Variants in DENND1A observed in about 807,000 individuals in gnomAD.
DENND1A encodes DENN domain containing 1A.
A neutral mutation model predicts 113.7 loss-of-function variants in DENND1A; 51 were observed. The ratio of observed to expected loss-of-function variants is 0.45; its 90% CI spans 0.36 to 0.57. DENND1A has a LOEUF of 0.57. DENND1A is among the 20% of genes least tolerant of loss of function. The pLI is 0.00. For synonymous variants in DENND1A, 565 were observed against 570.8 expected, an observed-to-expected ratio of 0.99 and a Z score of 0.14; for missense variants, 1,258 against 1,395.9, an observed-to-expected ratio of 0.90 and a Z score of 1.57.
At chr9:123,485,658 A>ACG (rs1372917882) in intron 13 of DENND1A, 124 of 29,782 alleles carry the variant, frequency 4.2e-3, no homozygotes, top group African/African-American at 9.2e-3. Context: ...GCGCGCGCGC[A>ACG]CACACACACA....
intron 11 of DENND1A, among the ~76,000 whole-genome samples, chr9:123,588,463 A>T (rs2059296153): frequency 6.6e-6 from 1 of 151,086 alleles, no homozygotes; most frequent in African/African-American, 2.4e-5. Flanking sequence ...TACTAAAAAT[A>T]CAAAAAATTA....
chr9:123,435,834 C>G (rs2046473238), intron 19 of DENND1A, among the ~76,000 whole-genome samples: 1 of 152,214 alleles, frequency 6.6e-6, no homozygotes, highest in South Asian at 2.1e-4. Flanking sequence ...ATTAGCTACT[C>G]ATTCCAGCAA....
At chr9:123,539,882 C>CAA (rs141372137) in intron 13 of DENND1A, among the ~76,000 whole-genome samples, 2,898 of 90,618 alleles carry the variant, frequency 0.032, 54 homozygotes, top group Non-Finnish European at 0.052. Context: ...GACTCCGTCT[C>CAA]AAAAAAAAAA....
chr9:123,929,674 A>G (rs1857679250), intron 1 of DENND1A, among the ~76,000 whole-genome samples: 1 of 151,558 alleles, frequency 6.6e-6, no homozygotes, highest in African/African-American at 2.4e-5. Context: ...AGGAGGGGAC[A>G]CCTGACCCCC....
chr9:123,416,569 C>T (rs944170627), intron 19 of DENND1A, among the ~76,000 whole-genome samples: 2 of 152,252 alleles, frequency 1.3e-5, no homozygotes, highest in Non-Finnish European at 2.9e-5. Flanking sequence ...GCTACACAGA[C>T]TGCTGCTTCT....
intron 19 of DENND1A, among the ~76,000 whole-genome samples, chr9:123,435,134 C>G (rs931568649): frequency 6.9e-6 from 1 of 145,462 alleles, no homozygotes; most frequent in Non-Finnish European, 1.5e-5. Flanking sequence ...TGTGCAGTAT[C>G]CTGAGAACAT....
At chr9:123,809,843 G>A (rs1220755276) in intron 2 of DENND1A, among the ~76,000 whole-genome samples, 2 of 152,088 alleles carry the variant, frequency 1.3e-5, no homozygotes, top group African/African-American at 4.8e-5. Flanking sequence ...GCTAATTTCT[G>A]TATTTTTACT....
chr9:123,526,812 G>C (rs2054889627), intron 13 of DENND1A, among the ~76,000 whole-genome samples: 1 of 152,044 alleles, frequency 6.6e-6, no homozygotes, highest in African/African-American at 2.4e-5. Flanking sequence ...CTGTTCTCTG[G>C]TCTATGCTCT....
chr9:123,406,449 T>C (rs1173473250), intron 20 of DENND1A, among the ~76,000 whole-genome samples: 1 of 152,110 alleles, frequency 6.6e-6, no homozygotes, highest in Non-Finnish European at 1.5e-5. Context: ...AGACGATGAG[T>C]GGGTGTCTCT....
At chr9:123,396,421 G>A (rs2043143243) in intron 21 of DENND1A, among the ~76,000 whole-genome samples, 1 of 152,228 alleles carries the variant, frequency 6.6e-6, no homozygotes, top group African/African-American at 2.4e-5. Context: ...CTCTACCCCT[G>A]TGTGATCCAC....
intron 2 of DENND1A, among the ~76,000 whole-genome samples, chr9:123,855,044 A>C (rs1203127711): frequency 6.6e-6 from 1 of 151,320 alleles, no homozygotes; most frequent in Non-Finnish European, 1.5e-5. Flanking sequence ...AAAAAACACA[A>C]TTATAATGTC....
At chr9:123,798,202 T>A (rs543849969) in intron 2 of DENND1A, 2 of 152,248 alleles carry the variant, frequency 1.3e-5, no homozygotes, top group African/African-American at 4.8e-5. Context: ...CAGTTAACCA[T>A]CAACACCCAT....
intron 1 of DENND1A, among the ~76,000 whole-genome samples, chr9:123,887,655 G>C (rs1017277440): frequency 6.6e-6 from 1 of 151,788 alleles, no homozygotes; most frequent in African/African-American, 2.4e-5. Flanking sequence ...AGGCTTCCCA[G>C]AGTGAGTGGG....
intron 2 of DENND1A, among the ~76,000 whole-genome samples, chr9:123,820,788 T>C (rs944897414): frequency 1.2e-4 from 19 of 152,248 alleles, no homozygotes; most frequent in Admixed American, 1.0e-3. Context: ...AATAATGTAA[T>C]AGCAATTGTT....
chr9:123,596,688 A>T (rs1002968341), intron 11 of DENND1A, among the ~76,000 whole-genome samples: 7 of 152,066 alleles, frequency 4.6e-5, no homozygotes, highest in South Asian at 4.2e-4. Flanking sequence ...GTCTCTTGTG[A>T]CCTCCATGTA....
chr9:123,482,923 T>G (rs1172709513), intron 13 of DENND1A, among the ~76,000 whole-genome samples: 3 of 152,178 alleles, frequency 2.0e-5, no homozygotes, highest in Non-Finnish European at 2.9e-5. Context: ...ATGCAGGTCT[T>G]TTTAGGTCAT....
At chr9:123,588,477 G>C (rs983301035) in intron 11 of DENND1A, among the ~76,000 whole-genome samples, 7 of 149,260 alleles carry the variant, frequency 4.7e-5, no homozygotes, top group Non-Finnish European at 1.5e-5. Context: ...AAAATTAGCC[G>C]GGTGTGGTGG....
intron 21 of DENND1A, chr9:123,401,838 G>A (rs543172617): frequency 2.3e-5 from 37 of 1,614,202 alleles, no homozygotes; most frequent in African/African-American, 2.7e-5. Context: ...CCAGCCTCTC[G>A]TCGGGAACTT....
intron 13 of DENND1A, among the ~76,000 whole-genome samples, chr9:123,461,426 TCA>T (rs2048516032): frequency 6.6e-6 from 1 of 152,194 alleles, no homozygotes. Context: ...TTGTGTGGTC[TCA>T]GTGTGTCTCT....
Sources: gnomAD v4.1 joint callset for allele counts (sites outside exome capture counted in the v4.1 genomes callset) on GRCh38, gnomAD v4.1.1 for gene constraint, MANE v1.5 for transcripts, NCBI Gene and HGNC (gene_info 2026-07-23, HGNC 2026-07-21) for gene names.